The following WWOX variants were observed in gnomAD, a reference collection of about 807,000 sequenced individuals.
WWOX encodes WW domain-containing oxidoreductase.
A neutral mutation model predicts 46.2 loss-of-function variants in WWOX; 69 were observed. The observed-to-expected ratio is 1.49, with a 90% CI of 1.23 to 1.82. The LOEUF is 1.82. Ranked by LOEUF, WWOX falls within the 40% of genes most tolerant of loss-of-function variation. The pLI is 0.00. For synonymous variants in WWOX, 359 were observed against 202.6 expected, an observed-to-expected ratio of 1.77 and a Z score of -6.56; for missense variants, 919 against 542.6, an observed-to-expected ratio of 1.69 and a Z score of -6.89.
At chr16:78,304,155 T>G (rs981041172) in intron 5 of WWOX, among the ~76,000 whole-genome samples, 4 of 152,172 alleles carry the variant, frequency 2.6e-5, no homozygotes, top group Admixed American at 6.5e-5. Flanking sequence ...CGTGGCCTCT[T>G]CTCCCGATCA....
chr16:78,162,492 C>T (rs1461226947), intron 4 of WWOX, among the ~76,000 whole-genome samples: 2 of 150,392 alleles, frequency 1.3e-5, no homozygotes, highest in Admixed American at 6.7e-5. Flanking sequence ...TATATACAAA[C>T]GTACATTTCT....
At chr16:78,775,947 A>G (rs1357038705) in intron 8 of WWOX, among the ~76,000 whole-genome samples, 1 of 152,206 alleles carries the variant, frequency 6.6e-6, no homozygotes, top group Non-Finnish European at 1.5e-5. Context: ...TCACTACTCT[A>G]AACGTAAGAC....
intron 8 of WWOX, among the ~76,000 whole-genome samples, chr16:78,558,655 G>A (rs1037694373): frequency 1.3e-5 from 2 of 152,180 alleles, no homozygotes; most frequent in Non-Finnish European, 2.9e-5. Flanking sequence ...TGTTGTGTTG[G>A]TTCTCATAGG....
intron 8 of WWOX, among the ~76,000 whole-genome samples, chr16:78,984,682 C>G (rs745606167): frequency 2.0e-5 from 3 of 152,196 alleles, no homozygotes; most frequent in Non-Finnish European, 4.4e-5. Flanking sequence ...TAGGAACCTT[C>G]TACCAAAAAT....
intron 8 of WWOX, among the ~76,000 whole-genome samples, chr16:78,443,260 G>T (rs531888162): frequency 7.6e-4 from 115 of 151,438 alleles, no homozygotes; most frequent in African/African-American, 2.6e-3. Context: ...AGCTGACATC[G>T]CATCACTGCA....
intron 8 of WWOX, among the ~76,000 whole-genome samples, chr16:78,480,706 G>A (rs914090352): frequency 3.3e-5 from 5 of 152,228 alleles, no homozygotes; most frequent in Non-Finnish European, 7.3e-5. Flanking sequence ...CAGGAATTGT[G>A]TGCAGTATGC....
intron 8 of WWOX, among the ~76,000 whole-genome samples, chr16:78,834,398 A>G (rs2051917849): frequency 6.6e-6 from 1 of 152,212 alleles, no homozygotes; most frequent in Non-Finnish European, 1.5e-5. Flanking sequence ...ATCGGCACAA[A>G]TTGAATCTAG....
At chr16:78,734,096 A>T (rs746262528) in intron 8 of WWOX, among the ~76,000 whole-genome samples, 1 of 152,060 alleles carries the variant, frequency 6.6e-6, no homozygotes, top group African/African-American at 2.4e-5. Context: ...TAAGTCGTCC[A>T]TCCGTCCATC....
chr16:78,164,072 C>A, intron 4 of WWOX, 111 bp from the exon 5 acceptor site: 1 of 1,001,134 alleles, frequency 1.0e-6, no homozygotes. Context: ...TCAAAATCAC[C>A]CCTGGTTGAG....
chr16:78,425,645 G>A (rs1335769225), intron 7 of WWOX, among the ~76,000 whole-genome samples: 2 of 152,118 alleles, frequency 1.3e-5, no homozygotes, highest in African/African-American at 4.8e-5. Flanking sequence ...AAGGACATTT[G>A]AAAATTTCCT....
chr16:79,108,694 G>A (rs916830278), intron 8 of WWOX, among the ~76,000 whole-genome samples: 8 of 152,132 alleles, frequency 5.3e-5, no homozygotes, highest in African/African-American at 1.9e-4. Flanking sequence ...TTGAGCCCAG[G>A]AGTTTGAGAC....
chr16:78,187,108 C>T (rs183038734), intron 5 of WWOX, among the ~76,000 whole-genome samples: 74 of 152,346 alleles, frequency 4.9e-4, no homozygotes, highest in Non-Finnish European at 8.2e-4. Flanking sequence ...CAAAGAAACA[C>T]CCTTTACCTT....
intron 8 of WWOX, chr16:79,205,611 T>C: frequency 6.6e-6 from 1 of 152,326 alleles, no homozygotes; most frequent in East Asian, 1.9e-4. Context: ...GGAAATTGAG[T>C]GCATTCCTCT....
At chr16:78,441,177 C>T (rs908285057) in intron 8 of WWOX, among the ~76,000 whole-genome samples, 46 of 152,228 alleles carry the variant, frequency 3.0e-4, no homozygotes, top group South Asian at 6.2e-4. Context: ...CTGCCTCAGC[C>T]TCCCAAAGTG....
intron 8 of WWOX, among the ~76,000 whole-genome samples, chr16:78,732,006 C>T (rs1202441932): frequency 6.6e-6 from 1 of 151,596 alleles, no homozygotes; most frequent in Admixed American, 6.6e-5. Flanking sequence ...ACTACCATGC[C>T]CAGTGAATTT....
intron 8 of WWOX, among the ~76,000 whole-genome samples, chr16:78,804,604 C>G (rs2142673478): frequency 6.6e-6 from 1 of 152,312 alleles, no homozygotes; most frequent in Admixed American, 6.5e-5. Flanking sequence ...TTACACGTAG[C>G]TCAAAATGTT....
chr16:78,882,709 G>A (rs1038691550), intron 8 of WWOX, among the ~76,000 whole-genome samples: 12 of 151,602 alleles, frequency 7.9e-5, no homozygotes, highest in African/African-American at 2.9e-4. Flanking sequence ...GGCTGGCCTT[G>A]TATTTCTGAC....
chr16:78,425,015 G>T lies in WWOX; in HGVS notation c.751G>T (p.Ala251Ser). Residue 251 changes from alanine (A) to serine (S), a missense_variant, in exon 7 of 9, where the codon GCT (alanine) becomes TCT (serine). Transcript: ENST00000566780. ...QLLQDVLCRSAPARVIVVSSE... is the reference protein window; with the variant it reads ...QLLQDVLCRSSPARVIVVSSE... ...CCTCCAGGATGTTTTGTGCCGCTCA[G>T]CTCCTGCCCGTGTCATTGTGGTCTC... The T allele has an allele frequency of 6.2e-7, 1 of 1,614,034 alleles. No homozygotes were observed. The highest frequency in any genetic ancestry group is 1.3e-5 in the African/African-American group (1 of 75,022).
At chr16:78,689,752 G>A (rs1217309959) in intron 8 of WWOX, among the ~76,000 whole-genome samples, 1 of 152,114 alleles carries the variant, frequency 6.6e-6, no homozygotes, top group Non-Finnish European at 1.5e-5. Context: ...TTGGAGTTGA[G>A]CCCTATCTCT....
Sources: gnomAD v4.1 joint callset for allele counts (sites outside exome capture counted in the v4.1 genomes callset) on GRCh38, gnomAD v4.1.1 for gene constraint, MANE v1.5 for transcripts, NCBI Gene and HGNC (gene_info 2026-07-23, HGNC 2026-07-21) for gene names.